The following SOS1 variants were observed in gnomAD, a reference collection of about 807,000 sequenced individuals.
SOS1 encodes the protein son of sevenless homolog 1.
Under a neutral mutation model 157.6 loss-of-function variants are expected in SOS1, and 25 were observed. The ratio of observed to expected loss-of-function variants is 0.16; its 90% CI spans 0.12 to 0.22. The LOEUF (loss-of-function observed/expected upper bound fraction) is 0.22, where lower values mean the gene tolerates loss of function less well. SOS1 is among the 10% of genes least tolerant of loss of function. The probability of loss-of-function intolerance (pLI) is 1.00; values close to 1 mark genes in which losing one functional copy is unlikely to be tolerated. For missense variants in SOS1, 1,237 were observed against 1,599.1 expected, an observed-to-expected ratio of 0.77 and a Z score of 3.86; for synonymous variants, 528 against 534.0, an observed-to-expected ratio of 0.99 and a Z score of 0.16.
chr2:39,118,304 A>T (rs1468611084), intron 1 of SOS1, among the ~76,000 whole-genome samples: 1 of 152,230 alleles, frequency 6.6e-6, no homozygotes, highest in Non-Finnish European at 1.5e-5. Flanking sequence ...TAATTCAATA[A>T]CAAATCAAAG....
chr2:39,038,187 A>G (rs1426538047), intron 6 of SOS1, among the ~76,000 whole-genome samples: 1 of 152,200 alleles, frequency 6.6e-6, no homozygotes, highest in Non-Finnish European at 1.5e-5. Context: ...ACCATTCTAG[A>G]TGCCAGTAAG....
At chr2:39,109,949 T>G (rs1313232467) in intron 1 of SOS1, among the ~76,000 whole-genome samples, 5 of 152,004 alleles carry the variant, frequency 3.3e-5, no homozygotes, top group Admixed American at 6.6e-5. Flanking sequence ...CAAAACTTAC[T>G]ATAAGTAGAG....
At chr2:39,017,011 C>T (rs1231054574) in intron 10 of SOS1, among the ~76,000 whole-genome samples, 2 of 152,088 alleles carry the variant, frequency 1.3e-5, no homozygotes, top group Non-Finnish European at 2.9e-5. Context: ...TGATGTGTCT[C>T]AGTGCCACAG....
chr2:39,075,602 G>GAGAAGTCTAGGAGTCCA (rs1192035270), intron 1 of SOS1, among the ~76,000 whole-genome samples: 6 of 151,638 alleles, frequency 4.0e-5, no homozygotes, highest in South Asian at 2.1e-4. Context: ...CTAGGAGTCC[G>GAGAAGTCTAGGAGTCCA]AGACCAGCCT....
At chr2:39,025,903 T>C (rs1245979226) in intron 8 of SOS1, among the ~76,000 whole-genome samples, 2 of 152,194 alleles carry the variant, frequency 1.3e-5, no homozygotes, top group Admixed American at 1.3e-4. Flanking sequence ...ACTTTAATGG[T>C]CAAATATTCT....
At chr2:39,078,580 T>C (rs297137) in intron 1 of SOS1, among the ~76,000 whole-genome samples, 142,069 of 152,196 alleles carry the variant, frequency 0.93, 66,426 homozygotes, top group African/African-American at 0.97. Flanking sequence ...GTCAGATCAA[T>C]AGGAGCATTA....
upstream of SOS1, among the ~76,000 whole-genome samples, chr2:39,122,382 A>G (rs1339026739): frequency 2.0e-5 from 3 of 151,586 alleles, no homozygotes; most frequent in African/African-American, 7.3e-5. Context: ...GTGAGCCGGG[A>G]TCATGCCACT....
At chr2:38,991,943 T>C (rs1668747411) in intron 20 of SOS1, among the ~76,000 whole-genome samples, 1 of 152,174 alleles carries the variant, frequency 6.6e-6, no homozygotes, top group East Asian at 1.9e-4. Context: ...AAAAAAAGAA[T>C]AGTATAGTAT....
At chr2:39,047,178 C>A (rs1670820987) in intron 6 of SOS1, among the ~76,000 whole-genome samples, 2 of 152,126 alleles carry the variant, frequency 1.3e-5, no homozygotes, top group Non-Finnish European at 2.9e-5. Context: ...TCCCATATAT[C>A]AATATATATG....
intron 2 of SOS1, among the ~76,000 whole-genome samples, chr2:39,065,304 A>C: frequency 6.6e-6 from 1 of 152,134 alleles, no homozygotes; most frequent in East Asian, 1.9e-4. Flanking sequence ...TTCATGCTGA[A>C]ACCTAAACTC....
chr2:39,049,463 A>C (rs1474397008), intron 6 of SOS1, among the ~76,000 whole-genome samples: 1 of 152,172 alleles, frequency 6.6e-6, no homozygotes, highest in Non-Finnish European at 1.5e-5. Context: ...TCTTCTTTAT[A>C]AATGGATCAT....
rs190133281 is a variant in SOS1 at position 39,058,217 on chromosome 2, T to C, written c.345+456A>G. Among the ~76,000 whole-genome samples, 8 of 152,162 alleles carry C rather than the reference T, an allele frequency of 5.3e-5. 1 individual carries two copies. Among genetic ancestry groups the C allele is most frequent in the Admixed American group, 4.6e-4 (7 of 15,294 alleles). On this transcript the variant is annotated intron_variant, in intron 3 of 22. Coordinates refer to ENST00000402219, the MANE Select transcript of SOS1 (RefSeq NM_005633.4). ...GAGATTCAACTGACTGACTGACTTA[T>C]TTACATGATAAGTAGGACTGGAGAG... is the stretch of plus-strand genomic sequence containing the variant.
At position 39,058,905 on chromosome 2, in the gene SOS1, T is replaced by C. The variant is rs932873310; in HGVS notation, c.214-101A>G. 1.0e-5 allele frequency: 9 copies of C among 893,504 alleles called. No homozygotes were observed. In the African/African-American group the frequency reaches 1.5e-4, roughly 15 times the overall value. 55.3% of individuals were successfully genotyped at this position (893,504 alleles called of 1,614,324 possible). A position where few individuals can be genotyped will look rare whatever the true frequency, so the allele number is the denominator to read the frequency against. On this transcript the variant is annotated intron_variant, in intron 2 of 22. Coordinates refer to ENST00000402219, the MANE Select transcript of SOS1 (RefSeq NM_005633.4). Reference sequence around the variant, plus strand: ...ATCAAAGAATACCAAAAGTAGAGCTTTTCACATGTGGTATAATTTACATTA... The same window carrying C: ...ATCAAAGAATACCAAAAGTAGAGCTCTTCACATGTGGTATAATTTACATTA...
At chr2:39,092,153 T>G (rs1485276284) in intron 1 of SOS1, among the ~76,000 whole-genome samples, 1 of 152,132 alleles carries the variant, frequency 6.6e-6, no homozygotes, top group Non-Finnish European at 1.5e-5. Flanking sequence ...AAACGTAATT[T>G]TTCTCACTCT....
intron 8 of SOS1, among the ~76,000 whole-genome samples, chr2:39,033,718 G>A (rs1670244212): frequency 1.3e-5 from 2 of 152,028 alleles, no homozygotes; most frequent in Admixed American, 6.6e-5. Flanking sequence ...TTCTATTTTT[G>A]TAGAGACAGG....
rs1671145038 is a variant in SOS1 at position 39,054,755 on chromosome 2, A to G, written c.579T>C (p.Pro193=). 1 of 1,592,766 alleles carries G rather than the reference A, an allele frequency of 6.3e-7. No individual in the cohort carries two copies. The highest frequency in any genetic ancestry group is 1.3e-5 in the African/African-American group (1 of 74,448). Residue 193 remains proline (P), a synonymous_variant, in exon 5 of 23, where the codon CCT becomes CCC. Transcript: ENST00000402219. ...INILSLTDEE[P]STSGEQTYYD... is the part of the protein sequence containing the mutation. ...AGTAAGTTTGTTCTCCTGAGGTGGA[A>G]GGCTCTTCGTCAGTTAAAGATAATA...
chr2:39,087,273 A>G (rs1672414823), intron 1 of SOS1, among the ~76,000 whole-genome samples: 1 of 152,236 alleles, frequency 6.6e-6, no homozygotes, highest in African/African-American at 2.4e-5. Flanking sequence ...GTAATACTTC[A>G]TAAGAATACT....
At chr2:39,120,283 G>T in intron 1 of SOS1, 53 bp downstream of exon 1, 4 of 1,496,560 alleles carry the variant, frequency 2.7e-6, no homozygotes, top group Non-Finnish European at 3.6e-6. Flanking sequence ...CCCTTCCCCA[G>T]CGCCCGCGCT....
At chr2:39,076,239 A>C (rs1671993365) in intron 1 of SOS1, among the ~76,000 whole-genome samples, 1 of 152,204 alleles carries the variant, frequency 6.6e-6, no homozygotes, top group African/African-American at 2.4e-5. Context: ...ATCACTACCC[A>C]AAATACAAAA....
Sources: gnomAD v4.1 joint callset for allele counts (sites outside exome capture counted in the v4.1 genomes callset) on GRCh38, gnomAD v4.1.1 for gene constraint, MANE v1.5 for transcripts, NCBI Gene and HGNC (gene_info 2026-07-23, HGNC 2026-07-21) for gene names.